BMPR1B: variants seen among roughly 807,000 people sequenced by gnomAD.
BMPR1B encodes the protein bone morphogenetic protein receptor type-1B.
A neutral mutation model predicts 59.1 loss-of-function variants in BMPR1B; 12 were observed. That is an observed-to-expected ratio of 0.20 (90% CI 0.13 to 0.33). The LOEUF is 0.33. Among genes scored for constraint, BMPR1B ranks in the 10% least tolerant of loss-of-function variants. BMPR1B has a pLI of 1.00. For synonymous variants in BMPR1B, 237 were observed against 207.3 expected (o/e 1.14, Z -1.23); for missense variants, 550 against 610.9 (o/e 0.90, Z 1.05).
chr4:94,861,157 G>A (rs1456156419), intron 1 of BMPR1B, among the ~76,000 whole-genome samples: 1 of 152,182 alleles, frequency 6.6e-6, no homozygotes, highest in Non-Finnish European at 1.5e-5. Context: ...TGCTAAGGTG[G>A]CTTCAAATCC....
chr4:94,808,882 C>T (rs933362901), intron 1 of BMPR1B, among the ~76,000 whole-genome samples: 1 of 152,070 alleles, frequency 6.6e-6, no homozygotes, highest in African/African-American at 2.4e-5. Flanking sequence ...TGGTGAAACT[C>T]CATCTCTACT....
intron 3 of BMPR1B, among the ~76,000 whole-genome samples, chr4:95,059,992 A>T (rs1177893103): frequency 6.6e-6 from 1 of 152,194 alleles, no homozygotes; most frequent in East Asian, 1.9e-4. Flanking sequence ...CTGGCTGAGC[A>T]CTTGCTGCAA....
At chr4:94,958,381 A>G (rs1336104200) in intron 2 of BMPR1B, among the ~76,000 whole-genome samples, 1 of 152,156 alleles carries the variant, frequency 6.6e-6, no homozygotes, top group Non-Finnish European at 1.5e-5. Flanking sequence ...ACAACAGATT[A>G]ACTTTCTCAC....
intron 3 of BMPR1B, among the ~76,000 whole-genome samples, chr4:95,064,056 C>A (rs2149209543): frequency 6.6e-6 from 1 of 151,850 alleles, no homozygotes; most frequent in African/African-American, 2.4e-5. Context: ...ATAGTTTCAA[C>A]CATTTTTAAG....
Position 95,099,600 on chromosome 4 carries a change from G to A in BMPR1B, c.-17-4808G>A, listed in dbSNP as rs116357708. Among the ~76,000 whole-genome samples the A allele has an allele frequency of 3.6e-3, 539 of 151,530 alleles. 4 individuals carry two copies. The highest frequency in any genetic ancestry group is 0.012 in the African/African-American group (512 of 40,972). On this transcript the variant is annotated intron_variant, in intron 3 of 12. Transcript: ENST00000515059. ...CTATACATCTCTCTCTGTTTCACGCGCGCACACGCACACACACGCACACAC... is the reference window on the plus strand; with the variant it reads ...CTATACATCTCTCTCTGTTTCACGCACGCACACGCACACACACGCACACAC...
At chr4:94,999,557 G>C (rs1230528084) in intron 3 of BMPR1B, among the ~76,000 whole-genome samples, 1 of 152,008 alleles carries the variant, frequency 6.6e-6, no homozygotes, top group African/African-American at 2.4e-5. Flanking sequence ...TTCCAAAAAT[G>C]CTGTTTATGT....
chr4:95,135,521 G>A lies in BMPR1B; in HGVS notation c.1076+4009G>A, dbSNP rs148417231. 8.0e-3 allele frequency among the ~76,000 whole-genome samples: 1,225 copies of A among 152,210 alleles called. 14 individuals carry two copies. The highest frequency in any genetic ancestry group is 0.028 in the African/African-American group (1,144 of 41,516). The stretch of plus-strand genomic sequence containing the variant: ...ATGGAAAGTTCTTCTATTAGTTTGT[G>A]TCCTCTTTTATTTCATTGAGCAGTG... On this transcript the variant is annotated intron_variant, in intron 10 of 12. Transcript: ENST00000515059.
chr4:95,023,667 A>G (rs575789243), intron 3 of BMPR1B, among the ~76,000 whole-genome samples: 4 of 152,276 alleles, frequency 2.6e-5, no homozygotes, highest in South Asian at 2.1e-4. Context: ...GATTACAGGC[A>G]TGAGCCACCG....
At chr4:94,924,910 C>T (rs1728827042) in intron 2 of BMPR1B, among the ~76,000 whole-genome samples, 1 of 152,080 alleles carries the variant, frequency 6.6e-6, no homozygotes, top group Admixed American at 6.6e-5. Flanking sequence ...AATTTATTGC[C>T]ACTGAACTTT....
intron 2 of BMPR1B, among the ~76,000 whole-genome samples, chr4:94,919,425 A>G (rs1728607345): frequency 6.6e-6 from 1 of 152,226 alleles, no homozygotes. Flanking sequence ...CAAAGGCTTC[A>G]CAAACCAATA....
At chr4:94,779,049 T>C (rs1722491828) in intron 1 of BMPR1B, among the ~76,000 whole-genome samples, 1 of 152,200 alleles carries the variant, frequency 6.6e-6, no homozygotes, top group Non-Finnish European at 1.5e-5. Flanking sequence ...TTCATTCTTT[T>C]AATTTACGGT....
intron 3 of BMPR1B, among the ~76,000 whole-genome samples, chr4:95,015,370 A>G (rs1428497117): frequency 6.6e-6 from 1 of 152,082 alleles, no homozygotes; most frequent in Non-Finnish European, 1.5e-5. Flanking sequence ...TTACTCAAGG[A>G]GTTGTTGCAG....
intron 2 of BMPR1B, among the ~76,000 whole-genome samples, chr4:94,968,470 A>T (rs144768100): frequency 0.022 from 3,296 of 152,270 alleles, 63 homozygotes; most frequent in South Asian, 0.063. Flanking sequence ...TGTTTATTTA[A>T]CAATTAGTCT....
At chr4:95,028,517 G>A (rs1724583583) in intron 3 of BMPR1B, among the ~76,000 whole-genome samples, 1 of 152,078 alleles carries the variant, frequency 6.6e-6, no homozygotes, top group Admixed American at 6.6e-5. Context: ...CTGGAATTGT[G>A]TTTACTCTAA....
chr4:95,127,044 C>CTGTGTGTGTGTG (rs6148578), intron 8 of BMPR1B, among the ~76,000 whole-genome samples: 8,847 of 146,378 alleles, frequency 0.06, 381 homozygotes, highest in East Asian at 0.17. Context: ...AGAATTAAGA[C>CTGTGTGTGTGTG]TGTGTGTGTG....
intron 3 of BMPR1B, among the ~76,000 whole-genome samples, chr4:95,026,098 A>ATTTATTTCTTTC (rs1553928440): frequency 3.9e-5 from 4 of 101,716 alleles, no homozygotes; most frequent in East Asian, 2.7e-4. Flanking sequence ...GCTTTCTTTC[A>ATTTATTTCTTTC]TTTCTTTCTT....
chr4:94,999,862 G>T (rs1225167484), intron 3 of BMPR1B, among the ~76,000 whole-genome samples: 1 of 152,092 alleles, frequency 6.6e-6, no homozygotes, highest in East Asian at 1.9e-4. Context: ...AACCTGAAAG[G>T]TGATATTCCA....
chr4:95,151,458 C>CTA (rs527401963), intron 11 of BMPR1B, among the ~76,000 whole-genome samples: 265 of 152,142 alleles, frequency 1.7e-3, no homozygotes, highest in African/African-American at 6.2e-3. Context: ...GCACATCCTG[C>CTA]GTGTTAGGCC....
intron 1 of BMPR1B, among the ~76,000 whole-genome samples, chr4:94,797,252 T>A (rs775993832): frequency 6.6e-6 from 1 of 152,192 alleles, no homozygotes; most frequent in Non-Finnish European, 1.5e-5. Context: ...TCTCCCTGGG[T>A]CCTTCCCACA....
Sources: gnomAD v4.1 joint callset for allele counts (sites outside exome capture counted in the v4.1 genomes callset) on GRCh38, gnomAD v4.1.1 for gene constraint, MANE v1.5 for transcripts, NCBI Gene and HGNC (gene_info 2026-07-23, HGNC 2026-07-21) for gene names.